NBAS: variants seen among roughly 807,000 people sequenced by gnomAD.
NBAS encodes NBAS subunit of NRZ tethering complex, also known as NAG/BC035112 fusion.
NBAS carries 219 observed loss-of-function variants against 302.5 expected under a neutral mutation model. The ratio of observed to expected loss-of-function variants is 0.72; its 90% CI spans 0.65 to 0.81. The LOEUF is 0.81. NBAS is among the 30% of genes least tolerant of loss of function. The probability of loss-of-function intolerance (pLI) is 0.00; values close to 1 mark genes in which losing one functional copy is unlikely to be tolerated. For missense variants in NBAS, 2,932 were observed against 2,841.6 expected, an observed-to-expected ratio of 1.03 and a Z score of -0.72; for synonymous variants, 1,118 against 1,021.6, an observed-to-expected ratio of 1.09 and a Z score of -1.80.
At chr2:15,399,211 T>C (rs1314799058) in intron 26 of NBAS, among the ~76,000 whole-genome samples, 1 of 152,134 alleles carries the variant, frequency 6.6e-6, no homozygotes, top group Middle Eastern at 3.2e-3. Context: ...TGGAAGTCAG[T>C]GATTTTGCCT....
the NBAS span, among the ~76,000 whole-genome samples, chr2:14,932,088 G>A: frequency 1.3e-5 from 2 of 152,154 alleles, no homozygotes; most frequent in Admixed American, 1.3e-4. Flanking sequence ...GGCAGAGTGA[G>A]GTCTGAAGAG....
intron 42 of NBAS, among the ~76,000 whole-genome samples, chr2:15,280,996 G>A (rs1222247925): frequency 6.6e-6 from 1 of 152,062 alleles, no homozygotes; most frequent in African/African-American, 2.4e-5. Flanking sequence ...TTTTAGTTTT[G>A]CCAACATTCT....
At chr2:14,922,901 C>T in the NBAS span, among the ~76,000 whole-genome samples, 115 of 152,178 alleles carry the variant, frequency 7.6e-4, no homozygotes, top group East Asian at 0.021. Context: ...AACTGTAATC[C>T]CAGCACTTTG....
the NBAS span, among the ~76,000 whole-genome samples, chr2:15,090,685 G>A: frequency 1.3e-3 from 201 of 152,274 alleles, no homozygotes; most frequent in African/African-American, 4.5e-3. Flanking sequence ...GGTAGCTAAC[G>A]TGGCCAACAC....
At chr2:14,944,084 G>C in the NBAS span, among the ~76,000 whole-genome samples, 2 of 152,324 alleles carry the variant, frequency 1.3e-5, no homozygotes, top group Admixed American at 6.5e-5. Context: ...CGGATCACGA[G>C]GTCAGGAGAT....
At chr2:15,054,561 C>T in the NBAS span, among the ~76,000 whole-genome samples, 923 of 152,308 alleles carry the variant, frequency 6.1e-3, 4 homozygotes, top group African/African-American at 0.021. Context: ...GTAACCTGGA[C>T]TCAAACTCCA....
chr2:15,545,119 C>T (rs1664042389), intron 6 of NBAS, among the ~76,000 whole-genome samples: 1 of 151,892 alleles, frequency 6.6e-6, no homozygotes. Context: ...AATCAAGCCT[C>T]AATAAATGAA....
chr2:14,924,477 A>G, the NBAS span, among the ~76,000 whole-genome samples: 1 of 152,244 alleles, frequency 6.6e-6, no homozygotes, highest in Non-Finnish European at 1.5e-5. Context: ...AAGGCTTCCC[A>G]GCATGCATTA....
At chr2:15,071,399 G>A in the NBAS span, among the ~76,000 whole-genome samples, 2 of 152,140 alleles carry the variant, frequency 1.3e-5, no homozygotes, top group African/African-American at 4.8e-5. Context: ...GCCAAGGCGG[G>A]CAGATCACGA....
At chr2:14,826,008 T>A in the NBAS span, among the ~76,000 whole-genome samples, 1 of 152,184 alleles carries the variant, frequency 6.6e-6, no homozygotes. Flanking sequence ...AGGATTCAAA[T>A]AGGTTTGGCA....
At chr2:14,878,942 C>CCT in the NBAS span, among the ~76,000 whole-genome samples, 17,721 of 152,142 alleles carry the variant, frequency 0.12, 1,950 homozygotes, top group African/African-American at 0.29. Flanking sequence ...CTAAAAATCC[C>CCT]GTGATCTGTC....
the NBAS span, among the ~76,000 whole-genome samples, chr2:15,087,469 A>G: frequency 6.6e-6 from 1 of 152,220 alleles, no homozygotes; most frequent in Non-Finnish European, 1.5e-5. Context: ...CTAACTGGTC[A>G]GACTAATGAC....
At chr2:14,999,175 G>C in the NBAS span, among the ~76,000 whole-genome samples, 2 of 151,844 alleles carry the variant, frequency 1.3e-5, no homozygotes, top group African/African-American at 2.4e-5. Context: ...ATTCTCAGAG[G>C]GCTCCACTCC....
At chr2:15,478,406 T>C in intron 12 of NBAS, 117 bp from the exon 13 acceptor site, 1 of 755,226 alleles carries the variant, frequency 1.3e-6, no homozygotes, top group Non-Finnish European at 2.3e-6. Flanking sequence ...ATCTCTCAAT[T>C]ACAACTAATT....
chr2:15,422,299 A>C (rs1262942571), intron 23 of NBAS, among the ~76,000 whole-genome samples: 1 of 152,138 alleles, frequency 6.6e-6, no homozygotes, highest in East Asian at 1.9e-4. Context: ...CCATGGTTTG[A>C]TAGTTCATTT....
At chr2:15,099,043 A>T in the NBAS span, among the ~76,000 whole-genome samples, 1 of 152,082 alleles carries the variant, frequency 6.6e-6, no homozygotes, top group East Asian at 1.9e-4. Context: ...ACCATGGCTC[A>T]CGCCTGTAAT....
At chr2:15,420,525 T>A (rs1309807451) in intron 23 of NBAS, among the ~76,000 whole-genome samples, 1 of 151,984 alleles carries the variant, frequency 6.6e-6, no homozygotes, top group African/African-American at 2.4e-5. Flanking sequence ...GTGAATTTTA[T>A]GCCCACAAAA....
chr2:15,127,697 C>T, the NBAS span, among the ~76,000 whole-genome samples: 2 of 152,198 alleles, frequency 1.3e-5, no homozygotes, highest in Admixed American at 6.5e-5. Context: ...TTTATCTAAC[C>T]TTTCCAGACT....
the NBAS span, among the ~76,000 whole-genome samples, chr2:15,140,940 C>T: frequency 3.3e-5 from 5 of 152,130 alleles, no homozygotes; most frequent in Admixed American, 6.6e-5. Context: ...ATCCCCATTC[C>T]ATGTAGAAAA....
Sources: gnomAD v4.1 joint callset for allele counts (sites outside exome capture counted in the v4.1 genomes callset) on GRCh38, gnomAD v4.1.1 for gene constraint, MANE v1.5 for transcripts, NCBI Gene and HGNC (gene_info 2026-07-23, HGNC 2026-07-21) for gene names.